The following CACNA2D1 variants were observed in gnomAD, a reference collection of about 807,000 sequenced individuals.
CACNA2D1 encodes calcium voltage-gated channel auxiliary subunit alpha2delta 1, also known as voltage-dependent calcium channel subunit alpha-2/delta-1.
Under a neutral mutation model 171.5 loss-of-function variants are expected in CACNA2D1, and 53 were observed. The ratio of observed to expected loss-of-function variants is 0.31; its 90% CI spans 0.25 to 0.39. CACNA2D1 has a LOEUF of 0.39. Ranked by LOEUF, CACNA2D1 falls within the 10% of genes least tolerant of loss-of-function variation. The pLI is 1.00. For missense variants in CACNA2D1, 903 were observed against 1,299.8 expected, an observed-to-expected ratio of 0.69 and a Z score of 4.69; for synonymous variants, 442 against 443.1, an observed-to-expected ratio of 1.00 and a Z score of 0.03.
rs141704562 is a variant in CACNA2D1 at position 82,240,602 on chromosome 7, T to C, written c.295-69993A>G. Among the ~76,000 whole-genome samples, 1,003 of 152,304 alleles carry C rather than the reference T, an allele frequency of 6.6e-3. 15 individuals are homozygous for C. The highest frequency in any genetic ancestry group is 0.022 in the African/African-American group (896 of 41,572). Reference sequence around the variant, plus strand: ...ACCGTATCTTTTATATTGCTTTATGTACCAATAATTCATCAACTAATTTAT... The same window carrying C: ...ACCGTATCTTTTATATTGCTTTATGCACCAATAATTCATCAACTAATTTAT... On this transcript the variant is annotated intron_variant, in intron 3 of 38. Transcript: ENST00000356860.
chr7:82,270,440 G>T (rs1808470856), intron 3 of CACNA2D1, among the ~76,000 whole-genome samples: 1 of 151,910 alleles, frequency 6.6e-6, no homozygotes, highest in South Asian at 2.1e-4. Context: ...TCTTTTTATT[G>T]CTGTGCAGTT....
At chr7:82,410,607 G>T in intron 1 of CACNA2D1, 1 of 693,220 alleles carries the variant, frequency 1.4e-6, no homozygotes, top group African/African-American at 1.9e-5. Flanking sequence ...GTCAAGGGAG[G>T]CAGACTGCAA....
intron 24 of CACNA2D1, among the ~76,000 whole-genome samples, chr7:81,979,692 ATTCT>A (rs986038314): frequency 3.9e-5 from 6 of 152,136 alleles, no homozygotes; most frequent in African/African-American, 1.4e-4. Flanking sequence ...TACTGAGAAA[ATTCT>A]TTCTAGTTAA....
At chr7:82,412,329 C>T (rs762824917) in intron 1 of CACNA2D1, among the ~76,000 whole-genome samples, 30 of 142,458 alleles carry the variant, frequency 2.1e-4, no homozygotes, top group Middle Eastern at 4.2e-3. Flanking sequence ...GTCACCCAGG[C>T]TGGAGTGCAA....
intron 7 of CACNA2D1, among the ~76,000 whole-genome samples, chr7:82,080,151 C>A (rs200508233): frequency 2.6e-4 from 2 of 7,656 alleles, no homozygotes; most frequent in African/African-American, 7.6e-4. Flanking sequence ...ACCTATATAC[C>A]TATATATGTA....
chr7:82,443,691 C>T lies in CACNA2D1; in HGVS notation c.-232G>A, dbSNP rs1830686954. On this transcript the variant is annotated 5_prime_UTR_variant, in exon 1 of 39. Coordinates refer to ENST00000356860, the MANE Select transcript of CACNA2D1 (RefSeq NM_000722.4). ...CCACTAGCGTGCGTCGGCTGCTCCG[C>T]GCCGCGGCCGCCTTGCCTCCGCCGC... The T allele has an allele frequency of 8.1e-7, 1 of 1,236,772 alleles. No homozygotes were observed. The highest frequency in any genetic ancestry group is 4.1e-5 in the South Asian group (1 of 24,608). The allele number at this position is 1,236,772 out of a possible 1,614,324, so 76.6% of individuals were successfully genotyped here.
In CACNA2D1 at chr7:82,130,432, TATA is replaced by T. The variant is rs947010299; in HGVS notation, c.396+6200_396+6202del. Among the ~76,000 whole-genome samples, 118 of 152,222 alleles carry T rather than the reference TATA, an allele frequency of 7.8e-4. 1 individual carries two copies. Among genetic ancestry groups the T allele is most frequent in the African/African-American group, 2.7e-3 (114 of 41,554 alleles). On this transcript the variant is annotated intron_variant, in intron 5 of 38. Transcript: ENST00000356860. ...TTGACAATGGAAAAAGATATATGAA[TATA>T]ATGTTTATAAATTTATATAATAATG... is the stretch of plus-strand genomic sequence containing the variant.
At chr7:82,233,078 A>C (rs1803149022) in intron 3 of CACNA2D1, among the ~76,000 whole-genome samples, 1 of 152,050 alleles carries the variant, frequency 6.6e-6, no homozygotes, top group South Asian at 2.1e-4. Context: ...TAATTAACTG[A>C]TTATTTGGGA....
At chr7:82,418,075 C>T (rs1828352312) in intron 1 of CACNA2D1, among the ~76,000 whole-genome samples, 1 of 152,212 alleles carries the variant, frequency 6.6e-6, no homozygotes, top group Non-Finnish European at 1.5e-5. Flanking sequence ...CACAGTTCCA[C>T]AGGGCCAGGA....
chr7:82,122,562 A>G (rs1789862182), intron 5 of CACNA2D1, among the ~76,000 whole-genome samples: 2 of 152,228 alleles, frequency 1.3e-5, no homozygotes, highest in Non-Finnish European at 2.9e-5. Flanking sequence ...TTCCATATGT[A>G]GTATGAAGTT....
intron 38 of CACNA2D1, among the ~76,000 whole-genome samples, chr7:81,959,000 A>G (rs1793776215): frequency 6.6e-6 from 1 of 152,042 alleles, no homozygotes; most frequent in Admixed American, 6.6e-5. Context: ...CAAATATACC[A>G]TAATTAACAT....
intron 21 of CACNA2D1, among the ~76,000 whole-genome samples, chr7:81,987,307 A>G (rs1052544969): frequency 6.6e-6 from 1 of 152,270 alleles, no homozygotes; most frequent in Admixed American, 6.6e-5. Context: ...TGTCCATATA[A>G]AACTGATAGA....
At chr7:82,050,947 T>C (rs1485716237) in intron 10 of CACNA2D1, 2 of 301,470 alleles carry the variant, frequency 6.6e-6, no homozygotes, top group East Asian at 1.6e-4. Context: ...TCCTATGCAA[T>C]TCTACCAGTC....
At chr7:82,061,015 C>T (rs982021040) in intron 9 of CACNA2D1, among the ~76,000 whole-genome samples, 2 of 152,114 alleles carry the variant, frequency 1.3e-5, no homozygotes, top group African/African-American at 4.8e-5. Context: ...ATTTATTCTT[C>T]ATTTTTCTTT....
At chr7:82,363,254 C>CTCTTTTTTTTTTTTTTTTTTTTT (rs1821286522) in intron 1 of CACNA2D1, among the ~76,000 whole-genome samples, 1 of 63,420 alleles carries the variant, frequency 1.6e-5, no homozygotes, top group African/African-American at 8.4e-5. Context: ...TTATTTGTCT[C>CTCTTTTTTTTTTTTTTTTTTTTT]TTTTTTTTTT....
chr7:82,437,730 C>CT (rs3839788), intron 1 of CACNA2D1, among the ~76,000 whole-genome samples: 99,590 of 151,928 alleles, frequency 0.66, 33,694 homozygotes, highest in African/African-American at 0.83. Context: ...GCAATGACCG[C>CT]TTTCTTTACT....
intron 1 of CACNA2D1, among the ~76,000 whole-genome samples, chr7:82,359,095 G>A (rs184183769): frequency 5.9e-5 from 9 of 152,110 alleles, no homozygotes; most frequent in African/African-American, 4.8e-5. Flanking sequence ...CATAGTCCCG[G>A]GTAGCCTGAT....
intron 3 of CACNA2D1, among the ~76,000 whole-genome samples, chr7:82,320,574 G>T (rs1432021579): frequency 1.5e-5 from 2 of 135,026 alleles, no homozygotes; most frequent in African/African-American, 5.5e-5. Flanking sequence ...ACCACACTTG[G>T]CTAATTTTTT....
chr7:82,172,421 G>A (rs185150071), intron 3 of CACNA2D1, among the ~76,000 whole-genome samples: 46 of 151,720 alleles, frequency 3.0e-4, no homozygotes, highest in Non-Finnish European at 5.9e-5. Context: ...GGAAAGAGAA[G>A]ATAGAATGAG....
Sources: allele counts gnomAD v4.1 joint callset (sites outside exome capture counted in the v4.1 genomes callset), GRCh38; gene constraint gnomAD v4.1.1; transcripts MANE v1.5; gene names NCBI Gene and HGNC (gene_info 2026-07-23, HGNC 2026-07-21).